The following SNX29 variants were observed in gnomAD, a reference collection of about 807,000 sequenced individuals.
SNX29 encodes the protein sorting nexin 29, also known as sorting nexin-29.
A neutral mutation model predicts 102.1 loss-of-function variants in SNX29; 78 were observed. The observed-to-expected ratio is 0.76, with a 90% CI of 0.64 to 0.92. The LOEUF (loss-of-function observed/expected upper bound fraction) is 0.92, where lower values mean the gene tolerates loss of function less well. Ranked by LOEUF, SNX29 falls within the 40% of genes least tolerant of loss-of-function variation. The pLI, the probability that SNX29 is intolerant of heterozygous loss-of-function variation, is 0.00. For synonymous variants in SNX29, 580 were observed against 414.5 expected, an observed-to-expected ratio of 1.40 and a Z score of -4.85; for missense variants, 1,280 against 1,061.7, an observed-to-expected ratio of 1.21 and a Z score of -2.86.
chr16:12,012,895 G>A (rs2056699508), intron 3 of SNX29, among the ~76,000 whole-genome samples: 1 of 151,962 alleles, frequency 6.6e-6, no homozygotes. Flanking sequence ...ATCGTGTCAT[G>A]TACTGTGTAC....
chr16:12,321,395 G>A (rs2080925792), intron 15 of SNX29, among the ~76,000 whole-genome samples: 2 of 152,160 alleles, frequency 1.3e-5, no homozygotes, highest in African/African-American at 4.8e-5. Context: ...TCAGAATTTA[G>A]CCCCCACACT....
intron 14 of SNX29, among the ~76,000 whole-genome samples, chr16:12,277,519 T>C (rs146531271): frequency 6.6e-5 from 10 of 152,246 alleles, no homozygotes; most frequent in African/African-American, 2.4e-4. Flanking sequence ...AGATTATTTC[T>C]TGACTCCTGT....
Position 12,326,237 on chromosome 16 carries a change from C to G in SNX29, c.1783-29926C>G, listed in dbSNP as rs183319698. ...ATGTTGGCCAGGCTGGTCTTGAACT[C>G]CTGACCTCTCAGGTGATCTGCCCGC... On this transcript the variant is annotated intron_variant, in intron 15 of 20. Transcript: ENST00000566228. Among the ~76,000 whole-genome samples the G allele has an allele frequency of 4.3e-3, 652 of 151,992 alleles. 1 individual carries two copies. The highest frequency in any genetic ancestry group is 0.024 in the Middle Eastern group (7 of 294).
At chr16:12,528,292 G>A (rs529556590) in intron 20 of SNX29, among the ~76,000 whole-genome samples, 5 of 152,174 alleles carry the variant, frequency 3.3e-5, no homozygotes, top group East Asian at 1.9e-4. Flanking sequence ...CTCTACCTCC[G>A]GTTCAAGTGA....
intron 3 of SNX29, among the ~76,000 whole-genome samples, chr16:12,015,718 G>A (rs1249200904): frequency 7.2e-6 from 1 of 139,190 alleles, no homozygotes; most frequent in South Asian, 2.3e-4. Context: ...TGTATTTTTA[G>A]TAGAGATAGG....
chr16:12,147,399 A>AAT (rs1567249665), intron 13 of SNX29, among the ~76,000 whole-genome samples: 1 of 152,274 alleles, frequency 6.6e-6, no homozygotes, highest in Non-Finnish European at 1.5e-5. Flanking sequence ...AGGTTACGGT[A>AAT]ATTATTCACC....
At position 12,443,318 on chromosome 16, in the gene SNX29, CAG is replaced by C. The variant is rs747720427; in HGVS notation, c.2038-34394_2038-34393del. 8 of 186,634 alleles carry C rather than the reference CAG, an allele frequency of 4.3e-5. No homozygotes were observed. The East Asian group carries it at 4.5e-4, about 10-fold the overall frequency. The allele number at this position is 186,634 out of a possible 1,614,324, so 11.6% of individuals were successfully genotyped here. On this transcript the variant is annotated intron_variant, in intron 18 of 20. Coordinates refer to ENST00000566228, the MANE Select transcript of SNX29 (RefSeq NM_032167.5). ...CTCTACCAACCCCTGGCCAAGGCAG[CAG>C]AGAGAGTCTTTGCGCAGATACTCTG... is the stretch of plus-strand genomic sequence containing the variant.
At chr16:12,362,551 A>ACCACCACCCCC (rs1464136306) in intron 16 of SNX29, among the ~76,000 whole-genome samples, 1 of 23,530 alleles carries the variant, frequency 4.2e-5, no homozygotes, top group African/African-American at 1.4e-4. Flanking sequence ...TGGCTGCTGC[A>ACCACCACCCCC]CTCCCCCCCC....
At chr16:12,208,880 G>A (rs181627299) in intron 14 of SNX29, among the ~76,000 whole-genome samples, 15 of 151,370 alleles carry the variant, frequency 9.9e-5, no homozygotes, top group East Asian at 9.7e-4. Context: ...CTTGTTACTC[G>A]TTTATTTCTC....
chr16:12,241,175 T>C (rs2078093226), intron 14 of SNX29, among the ~76,000 whole-genome samples: 1 of 152,246 alleles, frequency 6.6e-6, no homozygotes, highest in Non-Finnish European at 1.5e-5. Flanking sequence ...TTATAATTTT[T>C]TAAGCTGCCT....
chr16:12,557,859 C>T (rs1456739388), intron 20 of SNX29, among the ~76,000 whole-genome samples: 2 of 152,200 alleles, frequency 1.3e-5, no homozygotes, highest in Admixed American at 6.5e-5. Context: ...TGACCATAGC[C>T]ATTCCAGCGA....
intron 3 of SNX29, among the ~76,000 whole-genome samples, chr16:12,008,996 C>G (rs2056555454): frequency 6.6e-6 from 1 of 152,096 alleles, no homozygotes; most frequent in Non-Finnish European, 1.5e-5. Context: ...CCTGCCTCAG[C>G]CTCCCAAACT....
intron 13 of SNX29, among the ~76,000 whole-genome samples, chr16:12,145,465 G>A (rs1017049013): frequency 2.6e-5 from 4 of 151,912 alleles, no homozygotes; most frequent in African/African-American, 9.7e-5. Context: ...GTGTACGTTC[G>A]AATCCTTAAG....
intron 15 of SNX29, among the ~76,000 whole-genome samples, chr16:12,335,088 C>T (rs916692036): frequency 6.6e-6 from 1 of 151,992 alleles, no homozygotes; most frequent in East Asian, 1.9e-4. Flanking sequence ...ATGACATCAT[C>T]TGCAGCAGGG....
At chr16:12,358,337 A>C (rs9928921) in intron 16 of SNX29, among the ~76,000 whole-genome samples, 2 of 152,128 alleles carry the variant, frequency 1.3e-5, no homozygotes, top group African/African-American at 2.4e-5. Flanking sequence ...AGGCCTCAGA[A>C]GAAGGGCAGA....
chr16:12,068,225 C>G (rs1388590758), intron 9 of SNX29, among the ~76,000 whole-genome samples: 2 of 152,162 alleles, frequency 1.3e-5, no homozygotes, highest in East Asian at 3.9e-4. Context: ...ATCTGTAATC[C>G]CAGCACTTTG....
intron 14 of SNX29, among the ~76,000 whole-genome samples, chr16:12,220,395 T>TAGGAC (rs1179592571): frequency 4.0e-5 from 6 of 151,836 alleles, no homozygotes; most frequent in Non-Finnish European, 7.4e-5. Context: ...GGGGCCTGCA[T>TAGGAC]AGGACCCAGG....
chr16:12,529,128 C>G (rs909806769), intron 20 of SNX29, among the ~76,000 whole-genome samples: 4 of 152,168 alleles, frequency 2.6e-5, no homozygotes, highest in Non-Finnish European at 4.4e-5. Flanking sequence ...CTGTGCCTCC[C>G]GTTGCCTCCC....
At chr16:12,452,245 G>T (rs1223988089) in intron 18 of SNX29, among the ~76,000 whole-genome samples, 2 of 152,202 alleles carry the variant, frequency 1.3e-5, no homozygotes, top group Non-Finnish European at 2.9e-5. Flanking sequence ...TCCCTACGGG[G>T]ACATTTGGCA....
Sources: allele counts gnomAD v4.1 joint callset (sites outside exome capture counted in the v4.1 genomes callset), GRCh38; gene constraint gnomAD v4.1.1; transcripts MANE v1.5; gene names NCBI Gene and HGNC (gene_info 2026-07-23, HGNC 2026-07-21).